C2orf74: variants seen among roughly 807,000 people sequenced by gnomAD.
The protein encoded by C2orf74 is DPM1 ER membrane anchor 1.
Under a neutral mutation model 17.9 loss-of-function variants are expected in C2orf74, and 14 were observed. The ratio of observed to expected loss-of-function variants is 0.78; its 90% CI spans 0.52 to 1.22. The LOEUF (loss-of-function observed/expected upper bound fraction) is 1.22. Among genes scored for constraint, C2orf74 ranks in the 50% most tolerant of loss-of-function variants. The pLI is 0.00. For missense variants in C2orf74, 217 were observed against 218.4 expected (o/e 0.99, Z 0.04); for synonymous variants, 79 against 72.6 (o/e 1.09, Z -0.44).
chr2:61,154,126 C>T (rs916560784), intron 1 of C2orf74, among the ~76,000 whole-genome samples: 35 of 150,868 alleles, frequency 2.3e-4, no homozygotes, highest in Non-Finnish European at 2.2e-4. Flanking sequence ...GTAATCCAGT[C>T]GGGAGGCTGA....
At chr2:61,150,474 T>C (rs187501994) in intron 1 of C2orf74, among the ~76,000 whole-genome samples, 77 of 152,246 alleles carry the variant, frequency 5.1e-4, no homozygotes, top group Non-Finnish European at 8.2e-4. Flanking sequence ...TCCTGCGATG[T>C]TGAGAGGGAA....
At position 61,164,356 on chromosome 2, in the gene C2orf74, T is replaced by G. The variant is rs924721549; in HGVS notation, c.393T>G (p.Asp131Glu). 43 of 1,539,246 alleles carry G rather than the reference T, an allele frequency of 2.8e-5. No individual in the cohort carries two copies. The highest frequency in any genetic ancestry group is 3.2e-5 in the Non-Finnish European group (37 of 1,142,586). Residue 131 changes from aspartate to glutamate, a missense_variant and splice_region_variant, in exon 5 of 5, where the codon GAT becomes GAG. By Grantham distance (45) the Asp-to-Glu change is conservative. Transcript: ENST00000432605. Reference protein sequence around the residue: ...ENAGETGQEEDDGLQKIHTSV... With the variant: ...ENAGETGQEEEDGLQKIHTSV... ...TTGTTTGTCCCATTCTCTTGCAGGA[T>G]GATGGTTTGCAGAAAATACACACAT...
At position 61,162,609 on chromosome 2, in the gene C2orf74, G is replaced by A. The variant is rs1284061968; in HGVS notation, c.95G>A (p.Cys32Tyr). The A allele has an allele frequency of 2.7e-6, 4 of 1,491,372 alleles. No individual in the cohort carries two copies. The highest frequency in any genetic ancestry group is 2.5e-5 in the East Asian group (1 of 40,766). The allele number at this position is 1,491,372 out of a possible 1,614,324, so 92.4% of individuals were successfully genotyped here. A position where few individuals can be genotyped will look rare whatever the true frequency, so the allele number is the denominator to read the frequency against. The change falls in exon 2 of 5, where the codon TGT becomes TAT. Residue 32 changes from cysteine to tyrosine, a missense_variant and splice_region_variant. Cys to Tyr is a radical substitution (Grantham distance 194, BLOSUM62 -2). Transcript: ENST00000432605. ...LLLLVVFLYK[C>Y]FQGRKGKETK... ...TTATTGGTGGTTTTTTTATATAAAT[G>A]GTATAAATCCATGCTGATAATTGGG...
intron 1 of C2orf74, 46 bp from the exon 2 acceptor site, chr2:61,162,370 C>G: frequency 1.5e-6 from 1 of 660,320 alleles, no homozygotes; most frequent in Non-Finnish European, 2.6e-6. Context: ...GCTGAACTGA[C>G]CAAAAGAACA....
chr2:61,157,976 C>T (rs1160095536), upstream of C2orf74: 2 of 471,148 alleles, frequency 4.2e-6, no homozygotes, highest in Non-Finnish European at 4.4e-6. Context: ...AGTGGACACC[C>T]TCTGGCCACC....
chr2:61,164,584 C>A lies in C2orf74; in HGVS notation c.*57C>A. ...GTAACGTTTGACTAACGTTGAAAGA[C>A]TGAGGGTACAAAATCATGTTGAAAC... On this transcript the variant is annotated 3_prime_UTR_variant, in exon 5 of 5. Transcript: ENST00000432605. 2 of 1,301,296 alleles carry A rather than the reference C, an allele frequency of 1.5e-6. No homozygotes were observed. The highest frequency in any genetic ancestry group is 2.0e-6 in the Non-Finnish European group (2 of 983,166). The allele number at this position is 1,301,296 out of a possible 1,614,324, so 80.6% of individuals were successfully genotyped here.
At chr2:61,149,800 A>G (rs1685174434) in intron 1 of C2orf74, among the ~76,000 whole-genome samples, 1 of 151,916 alleles carries the variant, frequency 6.6e-6, no homozygotes, top group African/African-American at 2.4e-5. Context: ...GCTGGTCTCG[A>G]ACTCCTGACC....
intron 1 of C2orf74, among the ~76,000 whole-genome samples, chr2:61,153,514 C>T (rs1013542594): frequency 5.9e-5 from 9 of 151,514 alleles, no homozygotes; most frequent in African/African-American, 2.2e-4. Context: ...AATCTCCTGA[C>T]CTCGTGATTC....
intron 1 of C2orf74, among the ~76,000 whole-genome samples, chr2:61,153,499 G>C (rs1573710816): frequency 6.6e-6 from 1 of 151,500 alleles, no homozygotes; most frequent in East Asian, 2.0e-4. Flanking sequence ...AGCCAGGGTG[G>C]TCTCAATCTC....
chr2:61,158,541 A>T (rs961349220), upstream of C2orf74, among the ~76,000 whole-genome samples: 2 of 152,244 alleles, frequency 1.3e-5, no homozygotes, highest in African/African-American at 4.8e-5. Flanking sequence ...CTGCTCAGAA[A>T]GCCAATCACT....
chr2:61,164,373 TACAC>T lies in C2orf74; in HGVS notation c.414_417del (p.Thr139LeufsTer16). ...TTGCAGGATGATGGTTTGCAGAAAA[TACAC>T]ACATCTGTCACTAGAACTCCTTCAG... On this transcript the variant is annotated frameshift_variant, in exon 5 of 5. Transcript: ENST00000432605. LOFTEE classifies it high-confidence loss of function. The T allele has an allele frequency of 6.5e-7, 1 of 1,544,688 alleles. No individual in the cohort carries two copies. Among genetic ancestry groups the T allele is most frequent in the Non-Finnish European group, 8.7e-7 (1 of 1,144,900 alleles).
intron 1 of C2orf74, among the ~76,000 whole-genome samples, chr2:61,147,833 T>C (rs2105011776): frequency 6.6e-6 from 1 of 152,170 alleles, no homozygotes; most frequent in African/African-American, 2.4e-5. Context: ...AGTGGTGTGA[T>C]CTTGGCTCAC....
intron 1 of C2orf74, among the ~76,000 whole-genome samples, chr2:61,156,754 G>A (rs147446061): frequency 5.9e-5 from 9 of 152,044 alleles, no homozygotes; most frequent in African/African-American, 1.4e-4. Context: ...GCATGGTGGC[G>A]TGCACCTGTA....
At position 61,148,255 on chromosome 2, in the gene C2orf74, C is replaced by T. The variant is rs185450902; in HGVS notation, c.-122+3059C>T. The stretch of plus-strand genomic sequence containing the variant: ...AAGCTGGAGTGCAATGGTGCCATCT[C>T]GGCTTACTGCAACCTCCGCCCCCTG... On this transcript the variant is annotated intron_variant, in intron 1 of 3. Transcript: ENST00000426997. 7.8e-4 allele frequency among the ~76,000 whole-genome samples: 118 copies of T among 150,542 alleles called. 1 individual carries two copies. In the East Asian group the frequency reaches 0.018, roughly 23 times the overall value.
At chr2:61,153,521 A>G (rs1297028572) in intron 1 of C2orf74, among the ~76,000 whole-genome samples, 1 of 151,100 alleles carries the variant, frequency 6.6e-6, no homozygotes, top group Non-Finnish European at 1.5e-5. Context: ...TGACCTCGTG[A>G]TTCACCCGCC....
chr2:61,145,479 A>C (rs1685040499), intron 1 of C2orf74, among the ~76,000 whole-genome samples: 1 of 152,130 alleles, frequency 6.6e-6, no homozygotes, highest in Non-Finnish European at 1.5e-5. Context: ...GCTGGAGTGC[A>C]GTAATGCAAT....
At chr2:61,150,796 G>A (rs951799462) in intron 1 of C2orf74, among the ~76,000 whole-genome samples, 2 of 152,186 alleles carry the variant, frequency 1.3e-5, no homozygotes, top group African/African-American at 2.4e-5. Flanking sequence ...GGGAGGGCAA[G>A]CTAAACATCT....
Position 61,162,807 on chromosome 2 carries a change from T to C in C2orf74, c.96-35T>C, listed in dbSNP as rs1363466440. 3.3e-6 allele frequency: 5 copies of C among 1,514,148 alleles called. No homozygotes were observed. The South Asian group carries it at 3.6e-5, about 11-fold the overall frequency. 93.8% of individuals were successfully genotyped at this position (1,514,148 alleles called of 1,614,324 possible). A position where few individuals can be genotyped will look rare whatever the true frequency, so the allele number is the denominator to read the frequency against. ...CCACACCTTAAAATCAGGGCCATTC[T>C]TCCTTTTCTGAATTTGTGGCTTGTT... On this transcript the variant is annotated intron_variant, in intron 2 of 4. Coordinates refer to ENST00000432605, the MANE Select transcript of C2orf74 (RefSeq NM_001143959.4).
At chr2:61,161,889 T>C (rs1426076812), upstream of C2orf74, 1 of 152,784 alleles carries the variant, frequency 6.5e-6, no homozygotes, top group Non-Finnish European at 1.5e-5. Flanking sequence ...TACCAATTGT[T>C]CATGGTCTGT....
Sources: allele counts gnomAD v4.1 joint callset (sites outside exome capture counted in the v4.1 genomes callset), GRCh38; gene constraint gnomAD v4.1.1; transcripts MANE v1.5; gene names NCBI Gene and HGNC (gene_info 2026-07-23, HGNC 2026-07-21).